LIN7A: variants seen among roughly 807,000 people sequenced by gnomAD.
LIN7A encodes the protein protein lin-7 homolog A.
Under a neutral mutation model 29.8 loss-of-function variants are expected in LIN7A, and 25 were observed. The ratio of observed to expected loss-of-function variants is 0.84; its 90% CI spans 0.61 to 1.17. LIN7A has a LOEUF of 1.17. LIN7A is among the 50% of genes most tolerant of loss of function. LIN7A has a pLI of 0.00. For missense variants in LIN7A, 239 were observed against 287.0 expected, an observed-to-expected ratio of 0.83 and a Z score of 1.21; for synonymous variants, 118 against 107.5, an observed-to-expected ratio of 1.10 and a Z score of -0.60.
chr12:80,805,502 T>G (rs534238002), intron 5 of LIN7A, among the ~76,000 whole-genome samples: 2 of 152,148 alleles, frequency 1.3e-5, no homozygotes, highest in Non-Finnish European at 2.9e-5. Context: ...TTGACTGGAA[T>G]GAATTCTCCA....
chr12:80,891,706 G>C (rs1173619408), intron 1 of LIN7A, among the ~76,000 whole-genome samples: 1 of 152,092 alleles, frequency 6.6e-6, no homozygotes. Context: ...GTATAACAAA[G>C]ACATTTATCA....
At chr12:80,896,103 C>T (rs749245687) in intron 1 of LIN7A, among the ~76,000 whole-genome samples, 8 of 152,088 alleles carry the variant, frequency 5.3e-5, no homozygotes, top group Non-Finnish European at 7.3e-5. Context: ...TGATTAAGAT[C>T]GTCATGGAAG....
At chr12:80,903,178 A>C (rs535834247) in intron 1 of LIN7A, among the ~76,000 whole-genome samples, 1 of 151,996 alleles carries the variant, frequency 6.6e-6, no homozygotes, top group Non-Finnish European at 1.5e-5. Flanking sequence ...CAATTGGAGT[A>C]CTCTATTTTA....
At chr12:80,925,941 T>A (rs1877558585) in intron 1 of LIN7A, among the ~76,000 whole-genome samples, 1 of 152,206 alleles carries the variant, frequency 6.6e-6, no homozygotes, top group South Asian at 2.1e-4. Context: ...TCCTCTTTAT[T>A]TTCTTTCTTC....
At position 80,793,645 on chromosome 12, in the gene LIN7A, A is replaced by T. The variant is rs1870311512; in HGVS notation, c.*4082T>A. ...ATTTGTTAAATGAATAAACACATGG[A>T]AACATCTGAGTAAGTATGTGATTAA... On this transcript the variant is annotated 3_prime_UTR_variant, in exon 6 of 6. Transcript: ENST00000552864. 1 of 152,176 alleles carries T rather than the reference A, an allele frequency of 6.6e-6. No individual in the cohort carries two copies. Among genetic ancestry groups the T allele is most frequent in the African/African-American group, 2.4e-5 (1 of 41,450 alleles). 9.4% of individuals were successfully genotyped at this position (152,176 alleles called of 1,614,324 possible).
chr12:80,882,037 G>T (rs1467310228), intron 2 of LIN7A, among the ~76,000 whole-genome samples: 2 of 151,822 alleles, frequency 1.3e-5, no homozygotes, highest in Non-Finnish European at 2.9e-5. Context: ...TTCTATGCTG[G>T]TTGCCTTTTT....
intron 1 of LIN7A, among the ~76,000 whole-genome samples, chr12:80,927,482 A>G (rs1310188452): frequency 3.3e-5 from 5 of 152,098 alleles, no homozygotes; most frequent in Admixed American, 6.5e-5. Context: ...GAACTATCCT[A>G]CTTTTTTGGA....
At chr12:80,910,197 C>T (rs2682816) in intron 1 of LIN7A, among the ~76,000 whole-genome samples, 103,125 of 152,066 alleles carry the variant, frequency 0.68, 39,036 homozygotes, top group Non-Finnish European at 0.87. Context: ...TGCTATTATA[C>T]AGAAATACAA....
At chr12:80,914,905 G>A (rs1876949987) in intron 1 of LIN7A, among the ~76,000 whole-genome samples, 1 of 152,022 alleles carries the variant, frequency 6.6e-6, no homozygotes, top group East Asian at 1.9e-4. Context: ...AAAATTAGCT[G>A]GGTGTGGTGG....
chr12:80,868,339 C>T (rs564053332), intron 2 of LIN7A, among the ~76,000 whole-genome samples: 5 of 152,242 alleles, frequency 3.3e-5, no homozygotes, highest in East Asian at 3.9e-4. Flanking sequence ...GAGGCCAAGG[C>T]GGGCAGATCA....
chr12:80,881,628 G>A (rs916491000), intron 2 of LIN7A, among the ~76,000 whole-genome samples: 11 of 31,538 alleles, frequency 3.5e-4, no homozygotes, highest in Middle Eastern at 0.019. Flanking sequence ...ATAAAGCTAA[G>A]TTATATATAT....
chr12:80,888,929 T>C (rs1305303492), intron 2 of LIN7A, among the ~76,000 whole-genome samples: 2 of 152,114 alleles, frequency 1.3e-5, no homozygotes, highest in Non-Finnish European at 2.9e-5. Context: ...CAGCCCCCAT[T>C]AATGATAACT....
At chr12:80,863,048 T>G (rs1265167017) in intron 2 of LIN7A, among the ~76,000 whole-genome samples, 1 of 152,230 alleles carries the variant, frequency 6.6e-6, no homozygotes, top group Non-Finnish European at 1.5e-5. Flanking sequence ...CTCTGTATAA[T>G]TAATTTCACA....
At chr12:80,904,526 T>C (rs971658178) in intron 1 of LIN7A, among the ~76,000 whole-genome samples, 2 of 152,190 alleles carry the variant, frequency 1.3e-5, no homozygotes, top group Non-Finnish European at 1.5e-5. Context: ...ATAAATGAGA[T>C]CATGCAGTAT....
chr12:80,907,141 G>T (rs554020999), intron 1 of LIN7A, among the ~76,000 whole-genome samples: 1 of 151,016 alleles, frequency 6.6e-6, no homozygotes, highest in African/African-American at 2.4e-5. Flanking sequence ...TTAGCATTGT[G>T]CCTGGCACAC....
intron 1 of LIN7A, among the ~76,000 whole-genome samples, chr12:80,930,978 G>A (rs1475097975): frequency 2.0e-5 from 3 of 152,210 alleles, no homozygotes; most frequent in Middle Eastern, 3.4e-3. Context: ...AAACAAACCC[G>A]ACATGGTCTC....
intron 1 of LIN7A, among the ~76,000 whole-genome samples, chr12:80,929,574 T>C (rs1187466335): frequency 1.3e-5 from 2 of 152,162 alleles, no homozygotes; most frequent in Admixed American, 6.6e-5. Context: ...AAGGTGTCTG[T>C]GAGAGTTGTG....
At chr12:80,849,214 C>G (rs768228424) in intron 2 of LIN7A, among the ~76,000 whole-genome samples, 3 of 152,146 alleles carry the variant, frequency 2.0e-5, no homozygotes, top group Admixed American at 1.3e-4. Context: ...GAGACAGGAA[C>G]AAGTTTCCAG....
chr12:80,880,617 C>T (rs541322488), intron 2 of LIN7A, among the ~76,000 whole-genome samples: 1 of 152,214 alleles, frequency 6.6e-6, no homozygotes, highest in Admixed American at 6.5e-5. Flanking sequence ...AAAGTGGAAC[C>T]TCTGTCTTCA....
Sources: gnomAD v4.1 joint callset for allele counts (sites outside exome capture counted in the v4.1 genomes callset) on GRCh38, gnomAD v4.1.1 for gene constraint, MANE v1.5 for transcripts, NCBI Gene and HGNC (gene_info 2026-07-23, HGNC 2026-07-21) for gene names.